The following PLEKHA8 variants were observed in gnomAD, a reference collection of about 807,000 sequenced individuals.
PLEKHA8 encodes the protein pleckstrin homology domain-containing family A member 8.
A neutral mutation model predicts 68.2 loss-of-function variants in PLEKHA8; 36 were observed. The ratio of observed to expected loss-of-function variants is 0.53; its 90% CI spans 0.40 to 0.70. The LOEUF (loss-of-function observed/expected upper bound fraction) is 0.70. Ranked by LOEUF, PLEKHA8 falls within the 30% of genes least tolerant of loss-of-function variation. PLEKHA8 has a pLI of 0.00. For missense variants in PLEKHA8, 505 were observed against 615.4 expected, an observed-to-expected ratio of 0.82 and a Z score of 1.90; for synonymous variants, 211 against 216.1, an observed-to-expected ratio of 0.98 and a Z score of 0.20.
At chr7:30,038,366 CAG>C (rs2127963895) in intron 1 of PLEKHA8, among the ~76,000 whole-genome samples, 1 of 152,158 alleles carries the variant, frequency 6.6e-6, no homozygotes, top group East Asian at 1.9e-4. Context: ...AGATTAGTAA[CAG>C]ATGTAGAGAA....
At chr7:30,129,901 C>T (rs1796844758), downstream of PLEKHA8, 1 of 154,754 alleles carries the variant, frequency 6.5e-6, no homozygotes, top group Admixed American at 6.3e-5. Context: ...GAGCTGTGCT[C>T]TTTCCATCAG....
downstream of PLEKHA8, among the ~76,000 whole-genome samples, chr7:30,094,292 C>A (rs77086848): frequency 1.4e-5 from 2 of 147,108 alleles, no homozygotes; most frequent in Non-Finnish European, 3.0e-5. Context: ...TTTTTTTTTC[C>A]AGACAGAGTC....
chr7:30,046,202 G>C lies in PLEKHA8; in HGVS notation c.158-8G>C, dbSNP rs779888438. 6.3e-7 allele frequency: 1 copy of C among 1,586,650 alleles called. No homozygotes were observed. Among genetic ancestry groups the C allele is most frequent in the Non-Finnish European group, 8.6e-7 (1 of 1,166,194 alleles). On this transcript the variant is annotated splice_polypyrimidine_tract_variant and splice_region_variant and intron_variant, in intron 2 of 13. Coordinates refer to ENST00000449726, the MANE Select transcript of PLEKHA8 (RefSeq NM_001197026.2). ...TGAGTCTCTGATCTCCCTCTGTCTT[G>C]CTCCCAGTTCATTCTGTAGATAATA...
In PLEKHA8 at chr7:30,046,229, A is replaced by G. The variant is rs1791948889; in HGVS notation, c.177A>G (p.Thr59=). The G allele has an allele frequency of 6.8e-6, 11 of 1,610,092 alleles. No individual in the cohort carries two copies. The highest frequency in any genetic ancestry group is 1.1e-5 in the South Asian group (1 of 90,370). The part of the protein sequence containing the change: ...CEIQVHSVDN[T]RMDLIIPGEQ... ...TCCCAGTTCATTCTGTAGATAATAC[A>G]CGCATGGACCTGATAATCCCTGGGG... The change falls in exon 3 of 14, where the codon ACA becomes ACG. Residue 59 remains threonine, a synonymous_variant. Coordinates refer to ENST00000449726, the MANE Select transcript of PLEKHA8 (RefSeq NM_001197026.2).
intron 13 of PLEKHA8, among the ~76,000 whole-genome samples, chr7:30,124,248 A>T (rs1027031282): frequency 1.3e-5 from 2 of 152,222 alleles, no homozygotes; most frequent in Non-Finnish European, 2.9e-5. Flanking sequence ...TCTGACTATC[A>T]ATATTTACTG....
chr7:30,081,233 T>G lies in PLEKHA8; in HGVS notation c.*2446T>G, dbSNP rs1298466533. 5.1e-6 allele frequency: 5 copies of G among 985,258 alleles called. No homozygotes were observed. 61.0% of individuals were successfully genotyped at this position (985,258 alleles called of 1,614,324 possible). ...TTTCCAATTACCCTTTTTCCACATC[T>G]GTAGAAAGAGGGTAATATTTTTTAA... On this transcript the variant is annotated 3_prime_UTR_variant, in exon 14 of 14. Coordinates refer to ENST00000449726, the MANE Select transcript of PLEKHA8 (RefSeq NM_001197026.2).
chr7:30,123,677 C>T (rs1583493250), intron 13 of PLEKHA8, among the ~76,000 whole-genome samples: 1 of 152,136 alleles, frequency 6.6e-6, no homozygotes, highest in Admixed American at 6.5e-5. Flanking sequence ...GAGCTTAGAG[C>T]TGCTAGGGGT....
intron 13 of PLEKHA8, among the ~76,000 whole-genome samples, chr7:30,114,884 A>G (rs1463461481): frequency 1.3e-5 from 2 of 152,202 alleles, no homozygotes; most frequent in African/African-American, 2.4e-5. Context: ...AATTTGAGGT[A>G]GAAAAAGACC....
In PLEKHA8 at chr7:30,046,199, C is replaced by A. The variant is rs370371107; in HGVS notation, c.158-11C>A. The A allele has an allele frequency of 6.3e-7, 1 of 1,583,702 alleles. No individual in the cohort carries two copies. Among genetic ancestry groups the A allele is most frequent in the African/African-American group, 1.3e-5 (1 of 74,440 alleles). The stretch of plus-strand genomic sequence containing the variant: ...TTCTGAGTCTCTGATCTCCCTCTGT[C>A]TTGCTCCCAGTTCATTCTGTAGATA... On this transcript the variant is annotated splice_polypyrimidine_tract_variant and intron_variant, in intron 2 of 13. Transcript: ENST00000449726.
intron 13 of PLEKHA8, among the ~76,000 whole-genome samples, chr7:30,125,485 G>A (rs1000321122): frequency 7.2e-5 from 11 of 152,226 alleles, no homozygotes; most frequent in African/African-American, 2.7e-4. Context: ...TACCCTGGCT[G>A]TCCATGATTT....
At chr7:30,089,052 T>C (rs867385172), downstream of PLEKHA8, among the ~76,000 whole-genome samples, 3 of 152,206 alleles carry the variant, frequency 2.0e-5, no homozygotes, top group Admixed American at 6.5e-5. Context: ...ACAGTAGATA[T>C]GTCTCCTCTC....
At position 30,028,694 on chromosome 7, in the gene PLEKHA8, GCTCCTCGC is replaced by G. The variant is rs1790398693; in HGVS notation, c.-65_-58del. On this transcript the variant is annotated 5_prime_UTR_variant, in exon 1 of 14. It removes the in-frame stop codon of an upstream open reading frame in the 5' UTR. Coordinates refer to ENST00000449726, the MANE Select transcript of PLEKHA8 (RefSeq NM_001197026.2). Reference sequence around the variant, plus strand: ...GCCAGGCGATGGCCCTGCTGCTGGTGCTCCTCGCCTCTTGGGGCCTGGGGCAGTGAGGG... The same window carrying G: ...GCCAGGCGATGGCCCTGCTGCTGGTGCTCTTGGGGCCTGGGGCAGTGAGGG... 2.6e-6 allele frequency: 3 copies of G among 1,161,402 alleles called. No individual in the cohort carries two copies. Among genetic ancestry groups the G allele is most frequent in the Non-Finnish European group, 2.2e-6 (2 of 914,346 alleles). The allele number at this position is 1,161,402 out of a possible 1,614,324, so 71.9% of individuals were successfully genotyped here.
chr7:30,049,437 T>G, intron 5 of PLEKHA8, 55 bp downstream of exon 5: 1 of 1,583,818 alleles, frequency 6.3e-7, no homozygotes, highest in Non-Finnish European at 8.6e-7. Context: ...GTTTCAAAGT[T>G]TATAGTGAGT....
intron 13 of PLEKHA8, among the ~76,000 whole-genome samples, chr7:30,115,674 A>C (rs1306516256): frequency 6.6e-6 from 1 of 151,358 alleles, no homozygotes; most frequent in African/African-American, 2.4e-5. Flanking sequence ...ACGTGTATAC[A>C]TACGCACATA....
At position 30,054,726 on chromosome 7, in the gene PLEKHA8, A is replaced by G; in HGVS notation, c.814A>G (p.Lys272Glu). 2 of 1,593,978 alleles carry G rather than the reference A, an allele frequency of 1.3e-6. No homozygotes were observed. Among genetic ancestry groups the G allele is most frequent in the South Asian group, 1.1e-5 (1 of 88,806 alleles). Residue 272 changes from lysine to glutamate, a missense_variant, in exon 8 of 14, where the codon AAG becomes GAG. By Grantham distance (56) the Lys-to-Glu change is moderately conservative (BLOSUM62 1). Transcript: ENST00000449726. ...DNITVQGEIR[K>E]EDGMENLKNH... ...CTTTGCAGTCCAAGGTGAAATAAGG[A>G]AGGAAGATGGAATGGAAAACCTGAA...
intron 12 of PLEKHA8, among the ~76,000 whole-genome samples, chr7:30,064,644 A>G (rs1333583311): frequency 6.6e-6 from 1 of 152,208 alleles, no homozygotes; most frequent in Non-Finnish European, 1.5e-5. Context: ...CATAATCATG[A>G]TATATGAAGT....
chr7:30,053,815 T>A (rs1474673072), intron 7 of PLEKHA8, among the ~76,000 whole-genome samples: 2 of 152,228 alleles, frequency 1.3e-5, no homozygotes, highest in Non-Finnish European at 1.5e-5. Context: ...TAGCAAATAC[T>A]AAACTCTTGC....
chr7:30,056,740 AAAGTGTGTG>A (rs1792978865), intron 9 of PLEKHA8, among the ~76,000 whole-genome samples: 2 of 85,306 alleles, frequency 2.3e-5, no homozygotes, highest in Admixed American at 2.8e-4. Context: ...AAAAAAAAAA[AAAGTGTGTG>A]TGTGTGTGTG....
chr7:30,102,912 T>G (rs1444564523), intron 13 of PLEKHA8, among the ~76,000 whole-genome samples: 2 of 152,170 alleles, frequency 1.3e-5, no homozygotes, highest in Non-Finnish European at 2.9e-5. Context: ...ACAAAAAATA[T>G]TTTTTAAGTT....
Sources: gnomAD v4.1 joint callset for allele counts (sites outside exome capture counted in the v4.1 genomes callset) on GRCh38, gnomAD v4.1.1 for gene constraint, MANE v1.5 for transcripts, NCBI Gene and HGNC (gene_info 2026-07-23, HGNC 2026-07-21) for gene names.